ADIPOR2: variants seen among roughly 807,000 people sequenced by gnomAD.
ADIPOR2 encodes the protein adiponectin receptor protein 2.
ADIPOR2 carries 18 observed loss-of-function variants against 40.9 expected under a neutral mutation model. The ratio of observed to expected loss-of-function variants is 0.44; its 90% CI spans 0.30 to 0.65. The LOEUF (loss-of-function observed/expected upper bound fraction) is 0.65, where lower values mean the gene tolerates loss of function less well. Among genes scored for constraint, ADIPOR2 ranks in the 30% least tolerant of loss-of-function variants. The pLI is 0.09. For synonymous variants in ADIPOR2, 165 were observed against 166.4 expected (o/e 0.99, Z 0.06); for missense variants, 283 against 479.2 (o/e 0.59, Z 3.82).
At chr12:1,693,861 C>A (rs1388888093) in intron 1 of ADIPOR2, among the ~76,000 whole-genome samples, 1 of 152,050 alleles carries the variant, frequency 6.6e-6, no homozygotes, top group Non-Finnish European at 1.5e-5. Flanking sequence ...AGAAGTATTT[C>A]ATTATTTGTA....
At chr12:1,757,524 C>T (rs1862160128) in intron 2 of ADIPOR2, 1 of 804,298 alleles carries the variant, frequency 1.2e-6, no homozygotes, top group Non-Finnish European at 2.2e-6. Flanking sequence ...GGTAATCTTG[C>T]CAATCTCCAA....
chr12:1,726,442 C>T (rs1202571458), intron 1 of ADIPOR2, among the ~76,000 whole-genome samples: 4 of 152,176 alleles, frequency 2.6e-5, no homozygotes, highest in Non-Finnish European at 5.9e-5. Context: ...AGGTTATCTG[C>T]CTGTGTTGGC....
intron 7 of ADIPOR2, among the ~76,000 whole-genome samples, chr12:1,785,691 T>C (rs991891349): frequency 2.0e-5 from 3 of 152,076 alleles, no homozygotes; most frequent in Non-Finnish European, 4.4e-5. Flanking sequence ...AGTGTTAAGT[T>C]TGTAGATTTT....
chr12:1,768,378 G>T (rs1862427726), intron 2 of ADIPOR2, among the ~76,000 whole-genome samples: 1 of 151,778 alleles, frequency 6.6e-6, no homozygotes, highest in African/African-American at 2.4e-5. Context: ...TCTCATCTTT[G>T]CAAAATTTTT....
At chr12:1,750,054 A>G (rs889379341) in intron 1 of ADIPOR2, among the ~76,000 whole-genome samples, 152 of 151,930 alleles carry the variant, frequency 1.0e-3, no homozygotes, top group African/African-American at 3.5e-3. Flanking sequence ...GCTGGTCTCA[A>G]ACTCCTGGTC....
chr12:1,745,164 C>T (rs1742660995), intron 1 of ADIPOR2, among the ~76,000 whole-genome samples: 1 of 152,170 alleles, frequency 6.6e-6, no homozygotes. Context: ...AAGCTTTTGT[C>T]ATGACCTTCG....
chr12:1,751,222 A>G (rs1336407168), intron 1 of ADIPOR2, among the ~76,000 whole-genome samples: 3 of 152,186 alleles, frequency 2.0e-5, no homozygotes, highest in African/African-American at 2.4e-5. Flanking sequence ...TTGAAAGTCA[A>G]TATTATAGGC....
At chr12:1,692,039 G>T (rs1362789848) in intron 1 of ADIPOR2, among the ~76,000 whole-genome samples, 6 of 149,422 alleles carry the variant, frequency 4.0e-5, no homozygotes, top group Non-Finnish European at 8.9e-5. Flanking sequence ...TTGACTCTGG[G>T]TTTCTGAGCC....
At chr12:1,756,489 C>A (rs980975242) in intron 2 of ADIPOR2, among the ~76,000 whole-genome samples, 6 of 148,070 alleles carry the variant, frequency 4.1e-5, no homozygotes, top group African/African-American at 1.5e-4. Flanking sequence ...CAAAAGAAGG[C>A]CAGTGTAGTT....
intron 2 of ADIPOR2, among the ~76,000 whole-genome samples, chr12:1,761,747 T>C (rs1030934183): frequency 8.5e-5 from 13 of 152,338 alleles, no homozygotes; most frequent in African/African-American, 3.1e-4. Flanking sequence ...TCATCATCTG[T>C]TCTGCCATTA....
intron 1 of ADIPOR2, among the ~76,000 whole-genome samples, chr12:1,725,862 T>C (rs2094706916): frequency 6.6e-6 from 1 of 152,074 alleles, no homozygotes; most frequent in African/African-American, 2.4e-5. Context: ...TTCTTTTTTT[T>C]CCCCTAGAGA....
chr12:1,765,856 T>G (rs1862367064), intron 2 of ADIPOR2, among the ~76,000 whole-genome samples: 1 of 152,208 alleles, frequency 6.6e-6, no homozygotes, highest in Admixed American at 6.5e-5. Flanking sequence ...CAGCTTTTCC[T>G]TCTATTCTAA....
chr12:1,710,694 G>A (rs577057051), intron 1 of ADIPOR2, among the ~76,000 whole-genome samples: 43 of 152,030 alleles, frequency 2.8e-4, no homozygotes, highest in Non-Finnish European at 4.9e-4. Flanking sequence ...GGGTTGACAA[G>A]AGGGGAAAGC....
chr12:1,708,803 TC>T, intron 1 of ADIPOR2, among the ~76,000 whole-genome samples: 1 of 152,052 alleles, frequency 6.6e-6, no homozygotes, highest in Admixed American at 6.5e-5. Flanking sequence ...CACTGCAACA[TC>T]CGCCTCCCAG....
intron 1 of ADIPOR2, among the ~76,000 whole-genome samples, chr12:1,701,925 C>A (rs536688613): frequency 6.6e-6 from 1 of 152,198 alleles, no homozygotes; most frequent in Admixed American, 6.5e-5. Context: ...AGTTTGAGAC[C>A]AGCCTGACCA....
intron 3 of ADIPOR2, among the ~76,000 whole-genome samples, chr12:1,774,954 C>T (rs1384111050): frequency 4.5e-5 from 2 of 44,554 alleles, no homozygotes; most frequent in Non-Finnish European, 1.1e-4. Context: ...CTGCCCGCCT[C>T]GGCCTCCCAT....
chr12:1,719,380 G>A (rs1189058737), intron 1 of ADIPOR2, among the ~76,000 whole-genome samples: 1 of 152,122 alleles, frequency 6.6e-6, no homozygotes, highest in African/African-American at 2.4e-5. Flanking sequence ...ATTTATTTGA[G>A]AACAGTTTAT....
intron 1 of ADIPOR2, among the ~76,000 whole-genome samples, chr12:1,737,264 T>G (rs2094732829): frequency 6.6e-6 from 1 of 152,230 alleles, no homozygotes; most frequent in Non-Finnish European, 1.5e-5. Context: ...AGAGTTTATG[T>G]ACATCTCAAT....
chr12:1,786,062 A>G lies in ADIPOR2; in HGVS notation c.1151A>G (p.Asp384Gly), dbSNP rs768056305. The change falls in exon 8 of 8, where the codon GAT becomes GGT. Residue 384 changes from aspartate to glycine, a missense_variant. This residue lies in a region of ADIPOR2 where 106 missense variants were observed against 149.7 expected (regional missense o/e 0.71). Coordinates refer to ENST00000357103, the MANE Select transcript of ADIPOR2 (RefSeq NM_024551.3). ...ATCGGCGGGGGCTGCAGTGAAGAGG[A>G]TGCACTGTGATACCTACCAGTCTCC... ...FMIGGGCSEEDAL is the reference protein window; with the variant it reads ...FMIGGGCSEEGAL 1.2e-6 allele frequency: 2 copies of G among 1,613,694 alleles called. No homozygotes were observed. The highest frequency in any genetic ancestry group is 2.2e-5 in the East Asian group (1 of 44,878).
Sources: allele counts gnomAD v4.1 joint callset (sites outside exome capture counted in the v4.1 genomes callset), GRCh38; gene constraint gnomAD v4.1.1; regional missense constraint gnomAD v4.1.1; transcripts MANE v1.5; gene names NCBI Gene and HGNC (gene_info 2026-07-23, HGNC 2026-07-21).